The following TRIB2 variants were observed in gnomAD, a reference collection of about 807,000 sequenced individuals.
TRIB2 encodes tribbles homolog 2.
In TRIB2, 2 loss-of-function variants were observed where a neutral mutation model predicts 26.8. The observed-to-expected ratio is 0.07, with a 90% CI of 0.03 to 0.24. TRIB2 has a LOEUF of 0.24. TRIB2 is among the 10% of genes least tolerant of loss of function. The pLI is 1.00. For synonymous variants in TRIB2, 189 were observed against 187.3 expected (o/e 1.01, Z -0.08); for missense variants, 306 against 449.0 (o/e 0.68, Z 2.88).
chr2:12,719,242 T>C (rs1666670432), intron 1 of TRIB2, among the ~76,000 whole-genome samples: 1 of 152,124 alleles, frequency 6.6e-6, no homozygotes, highest in Admixed American at 6.5e-5. Flanking sequence ...ATCTCTAGAC[T>C]TCCCTGTCTG....
At chr2:12,731,883 C>T (rs141531665) in intron 2 of TRIB2, among the ~76,000 whole-genome samples, 2 of 152,314 alleles carry the variant, frequency 1.3e-5, no homozygotes, top group African/African-American at 4.8e-5. Flanking sequence ...GCAGCAACAC[C>T]ATCGCTGGGT....
intron 2 of TRIB2, among the ~76,000 whole-genome samples, chr2:12,725,023 A>G (rs965702384): frequency 6.6e-6 from 1 of 152,206 alleles, no homozygotes; most frequent in Admixed American, 6.5e-5. Flanking sequence ...CATCATGTCC[A>G]TTGTATAGAC....
chr2:12,733,520 T>C lies in TRIB2; in HGVS notation c.564-6806T>C, dbSNP rs75843285. The stretch of plus-strand genomic sequence containing the variant: ...CCTAGGGCATTTAATTCCCTGTGCC[T>C]CAGCTTCCTTATATATTAGGTAGCA... On this transcript the variant is annotated intron_variant, in intron 2 of 2. Coordinates refer to ENST00000155926, the MANE Select transcript of TRIB2 (RefSeq NM_021643.4). Among the ~76,000 whole-genome samples, 23 of 152,354 alleles carry C rather than the reference T, an allele frequency of 1.5e-4. No individual in the cohort carries two copies. The East Asian group carries it at 4.4e-3, about 29-fold the overall frequency.
At chr2:12,736,463 A>G (rs1661573931) in intron 2 of TRIB2, among the ~76,000 whole-genome samples, 1 of 129,684 alleles carries the variant, frequency 7.7e-6, no homozygotes, top group Non-Finnish European at 1.7e-5. Context: ...GATGCCTGAT[A>G]TCCCCACCCC....
At position 12,732,724 on chromosome 2, in the gene TRIB2, A is replaced by G. The variant is rs1173030855; in HGVS notation, c.564-7602A>G. Among the ~76,000 whole-genome samples, 4 of 152,230 alleles carry G rather than the reference A, an allele frequency of 2.6e-5. No homozygotes were observed. Among genetic ancestry groups the G allele is most frequent in the Admixed American group, 6.5e-5 (1 of 15,288 alleles). On this transcript the variant is annotated intron_variant, in intron 2 of 2. Coordinates refer to ENST00000155926, the MANE Select transcript of TRIB2 (RefSeq NM_021643.4). The surrounding 1 kb of genome is among the most constrained non-coding windows in gnomAD (Gnocchi z 4.2). ...CTGCCAGGCCGGCATGATGGTGCCA[A>G]TGGTGCCAGGTGGTCCTTCCCAGGC...
intron 2 of TRIB2, among the ~76,000 whole-genome samples, chr2:12,730,187 T>G (rs1661423276): frequency 6.6e-6 from 1 of 152,192 alleles, no homozygotes; most frequent in Admixed American, 6.5e-5. Flanking sequence ...AACATGTGAT[T>G]CACCAATTTA....
In TRIB2 at chr2:12,718,725, G is replaced by C. The variant is rs1055589954; in HGVS notation, c.270+148G>C. The C allele has an allele frequency of 8.2e-7, 1 of 1,212,876 alleles. No individual in the cohort carries two copies. The highest frequency in any genetic ancestry group is 1.5e-5 in the African/African-American group (1 of 65,104). The allele number at this position is 1,212,876 out of a possible 1,614,324, so 75.1% of individuals were successfully genotyped here. ...TTTATTTATTTATTTGCTCAGGTTC[G>C]GTAAGTTGCGAAGTTTTTAGACCGT... On this transcript the variant is annotated intron_variant, in intron 1 of 2. Transcript: ENST00000155926. The surrounding 1 kb of genome is among the most constrained non-coding windows in gnomAD (Gnocchi z 4.0).
chr2:12,727,304 G>A (rs1284181018), intron 2 of TRIB2, among the ~76,000 whole-genome samples: 1 of 152,124 alleles, frequency 6.6e-6, no homozygotes, highest in African/African-American at 2.4e-5. Flanking sequence ...TGTTCCTAGA[G>A]TCATTGACGA....
chr2:12,725,702 T>A (rs180748058), intron 2 of TRIB2, among the ~76,000 whole-genome samples: 1 of 152,364 alleles, frequency 6.6e-6, no homozygotes, highest in East Asian at 1.9e-4. Context: ...CCAGTGTGAA[T>A]GTGAAACCGA....
In TRIB2 at chr2:12,729,183, C is replaced by A. The variant is rs148148614; in HGVS notation, c.563+5631C>A. Reference sequence around the variant, plus strand: ...TGGATCAGTGATCTCTCTCCCATAGCACTCCCTTTCCTCATCAGAGCTCAT... The same window carrying A: ...TGGATCAGTGATCTCTCTCCCATAGAACTCCCTTTCCTCATCAGAGCTCAT... On this transcript the variant is annotated intron_variant, in intron 2 of 2. Transcript: ENST00000155926. 4.7e-3 allele frequency among the ~76,000 whole-genome samples: 711 copies of A among 152,268 alleles called. 6 individuals are homozygous for A. Among genetic ancestry groups the A allele is most frequent in the African/African-American group, 0.016 (682 of 41,546 alleles).
In TRIB2 at chr2:12,717,826, G is replaced by T; in HGVS notation, c.-482G>T. On this transcript the variant is annotated 5_prime_UTR_variant, in exon 1 of 3. Transcript: ENST00000155926. The surrounding 1 kb of genome is among the most constrained non-coding windows in gnomAD (Gnocchi z 4.8). ...GCTTGTTTCCTTTCTCTTTTTGTTT[G>T]GCTTCTAACGCGTTGGGACTGAGTC... 1 of 244,462 alleles carries T rather than the reference G, an allele frequency of 4.1e-6. No homozygotes were observed. Among genetic ancestry groups the T allele is most frequent in the Non-Finnish European group, 7.7e-6 (1 of 129,660 alleles). 15.1% of individuals were successfully genotyped at this position (244,462 alleles called of 1,614,324 possible). A position where few individuals can be genotyped will look rare whatever the true frequency, so the allele number is the denominator to read the frequency against.
intron 1 of TRIB2, among the ~76,000 whole-genome samples, chr2:12,719,918 T>G (rs1173237014): frequency 6.6e-6 from 1 of 152,176 alleles, no homozygotes; most frequent in Non-Finnish European, 1.5e-5. Context: ...TAACCAAAAT[T>G]CAGTAGCTGG....
intron 2 of TRIB2, among the ~76,000 whole-genome samples, chr2:12,725,033 C>T (rs546051426): frequency 2.6e-5 from 4 of 152,316 alleles, no homozygotes; most frequent in Admixed American, 2.0e-4. Context: ...ATTGTATAGA[C>T]GAGAGCTCCA....
At position 12,718,718 on chromosome 2, in the gene TRIB2, C is replaced by A. The variant is rs1462165665; in HGVS notation, c.270+141C>A. On this transcript the variant is annotated intron_variant, in intron 1 of 2. Transcript: ENST00000155926. This position sits in a 1 kb window ranked among gnomAD's most constrained non-coding sequence, Gnocchi z 4.0. ...AAATGGGTTTATTTATTTATTTGCT[C>A]AGGTTCGGTAAGTTGCGAAGTTTTT... 3.2e-6 allele frequency: 4 copies of A among 1,251,970 alleles called. No individual in the cohort carries two copies. The highest frequency in any genetic ancestry group is 4.3e-6 in the Non-Finnish European group (4 of 925,146). 77.6% of individuals were successfully genotyped at this position (1,251,970 alleles called of 1,614,324 possible). A position where few individuals can be genotyped will look rare whatever the true frequency, so the allele number is the denominator to read the frequency against.
At chr2:12,725,124 A>T (rs1661309782) in intron 2 of TRIB2, among the ~76,000 whole-genome samples, 1 of 152,196 alleles carries the variant, frequency 6.6e-6, no homozygotes, top group Admixed American at 6.5e-5. Flanking sequence ...GTCAGCTCTC[A>T]AGAAATTCAT....
Position 12,718,689 on chromosome 2 carries a change from T to C in TRIB2, c.270+112T>C. 7.3e-7 allele frequency: 1 copy of C among 1,365,700 alleles called. No individual in the cohort carries two copies. Among genetic ancestry groups the C allele is most frequent in the Non-Finnish European group, 9.9e-7 (1 of 1,013,212 alleles). 84.6% of individuals were successfully genotyped at this position (1,365,700 alleles called of 1,614,324 possible). Reference sequence around the variant, plus strand: ...ATTCGCGGGATAATTACCGTGGCCTTATTAAATGGGTTTATTTATTTATTT... The same window carrying C: ...ATTCGCGGGATAATTACCGTGGCCTCATTAAATGGGTTTATTTATTTATTT... On this transcript the variant is annotated intron_variant, in intron 1 of 2. Coordinates refer to ENST00000155926, the MANE Select transcript of TRIB2 (RefSeq NM_021643.4). The surrounding 1 kb of genome is among the most constrained non-coding windows in gnomAD (Gnocchi z 4.0).
chr2:12,720,928 C>CT (rs1261573548), intron 1 of TRIB2, among the ~76,000 whole-genome samples: 1 of 151,318 alleles, frequency 6.6e-6, no homozygotes, highest in Non-Finnish European at 1.5e-5. Flanking sequence ...AGAATGGGTA[C>CT]TTTTTTTTTG....
chr2:12,735,943 G>A (rs760070183), intron 2 of TRIB2, among the ~76,000 whole-genome samples: 9 of 152,124 alleles, frequency 5.9e-5, no homozygotes, highest in South Asian at 2.1e-4. Context: ...TCAAATTCAC[G>A]AAGTATCGGG....
rs369841101 is a variant in TRIB2, at chr2:12,717,512, C to T, written c.-796C>T. 1 of 398,392 alleles carries T rather than the reference C, an allele frequency of 2.5e-6. No homozygotes were observed. The highest frequency in any genetic ancestry group is 2.1e-5 in the African/African-American group (1 of 48,750). 24.7% of individuals were successfully genotyped at this position (398,392 alleles called of 1,614,324 possible). A position where few individuals can be genotyped will look rare whatever the true frequency, so the allele number is the denominator to read the frequency against. On this transcript the variant is annotated 5_prime_UTR_variant, in exon 1 of 3. Coordinates refer to ENST00000155926, the MANE Select transcript of TRIB2 (RefSeq NM_021643.4). This position sits in a 1 kb window ranked among gnomAD's most constrained non-coding sequence, Gnocchi z 4.8. Reference sequence around the variant, plus strand: ...CGAGCCCAGGGCTTTGTCGCGGTACCTGCGCCCAGCCCGCGCCGCAACTCT... The same window carrying T: ...CGAGCCCAGGGCTTTGTCGCGGTACTTGCGCCCAGCCCGCGCCGCAACTCT...
Sources: gnomAD v4.1 joint callset for allele counts (sites outside exome capture counted in the v4.1 genomes callset) on GRCh38, gnomAD v4.1.1 for gene constraint, Gnocchi (gnomAD v3.1) non-coding constraint, MANE v1.5 for transcripts, NCBI Gene and HGNC (gene_info 2026-07-23, HGNC 2026-07-21) for gene names.